CDH13: variants seen among roughly 807,000 people sequenced by gnomAD.
CDH13 encodes cadherin 13, also known as cadherin-13.
Under a neutral mutation model 63.8 loss-of-function variants are expected in CDH13, and 24 were observed. The observed-to-expected ratio is 0.38, with a 90% CI of 0.27 to 0.53. CDH13 has a LOEUF of 0.53. CDH13 is among the 20% of genes least tolerant of loss of function. CDH13 has a pLI of 0.85. For missense variants in CDH13, 1,049 were observed against 903.1 expected (o/e 1.16, Z -2.07); for synonymous variants, 503 against 355.3 (o/e 1.42, Z -4.67).
chr16:83,552,408 G>C (rs1156231589), intron 7 of CDH13, among the ~76,000 whole-genome samples: 3 of 152,208 alleles, frequency 2.0e-5, no homozygotes, highest in African/African-American at 4.8e-5. Flanking sequence ...TTCCAGTGGA[G>C]GATGCACCAA....
chr16:83,201,887 C>T (rs183720676), intron 4 of CDH13, among the ~76,000 whole-genome samples: 1 of 152,188 alleles, frequency 6.6e-6, no homozygotes, highest in East Asian at 1.9e-4. Flanking sequence ...TGCACTCCAG[C>T]CTAGGCAACA....
chr16:83,211,407 C>G (rs771418158), intron 4 of CDH13, among the ~76,000 whole-genome samples: 1 of 152,146 alleles, frequency 6.6e-6, no homozygotes, highest in Non-Finnish European at 1.5e-5. Flanking sequence ...AAACCTCAAC[C>G]TCAACCACAT....
chr16:82,677,591 G>C (rs1914079569), intron 1 of CDH13, among the ~76,000 whole-genome samples: 1 of 152,026 alleles, frequency 6.6e-6, no homozygotes, highest in Admixed American at 6.6e-5. Flanking sequence ...TTTCAACAGT[G>C]AGGAAATCAG....
intron 6 of CDH13, among the ~76,000 whole-genome samples, chr16:83,378,787 C>G (rs1237812410): frequency 6.6e-6 from 1 of 152,142 alleles, no homozygotes; most frequent in African/African-American, 2.4e-5. Context: ...TATTATTAAA[C>G]AGTAGAACTG....
chr16:83,439,383 A>G (rs2072418649), intron 6 of CDH13, among the ~76,000 whole-genome samples: 1 of 152,238 alleles, frequency 6.6e-6, no homozygotes, highest in Admixed American at 6.5e-5. Context: ...AGAATATACT[A>G]TAGGGAACTA....
chr16:82,688,831 T>C (rs1915345556), intron 1 of CDH13: 1 of 152,056 alleles, frequency 6.6e-6, no homozygotes, highest in South Asian at 2.1e-4. Context: ...ACCAGGCAGA[T>C]TGAGAATGGA....
chr16:82,667,427 T>C (rs1317346913), intron 1 of CDH13, among the ~76,000 whole-genome samples: 2 of 152,152 alleles, frequency 1.3e-5, no homozygotes, highest in African/African-American at 4.8e-5. Flanking sequence ...GGATGTGGTG[T>C]GGGGAGATGA....
At chr16:82,855,035 C>T (rs2039632191) in intron 1 of CDH13, among the ~76,000 whole-genome samples, 1 of 152,086 alleles carries the variant, frequency 6.6e-6, no homozygotes, top group Non-Finnish European at 1.5e-5. Context: ...TCACCCATGG[C>T]CCAGGAGGGT....
chr16:82,830,049 A>G (rs1394656174), intron 1 of CDH13, among the ~76,000 whole-genome samples: 2 of 152,142 alleles, frequency 1.3e-5, no homozygotes, highest in Non-Finnish European at 2.9e-5. Flanking sequence ...ATCTCATTTA[A>G]TCCTACAGCA....
At chr16:82,639,393 C>T in intron 1 of CDH13, 10 of 1,535,548 alleles carry the variant, frequency 6.5e-6, no homozygotes, top group Non-Finnish European at 8.7e-6. Context: ...CATGGTTCCC[C>T]CAGCAAGAAC....
chr16:83,008,179 T>C (rs2151432543), intron 2 of CDH13, among the ~76,000 whole-genome samples: 1 of 152,134 alleles, frequency 6.6e-6, no homozygotes, highest in South Asian at 2.1e-4. Flanking sequence ...ATAGTATAAA[T>C]AACAAAAACA....
intron 2 of CDH13, among the ~76,000 whole-genome samples, chr16:82,997,827 T>C (rs374427719): frequency 1.8e-4 from 27 of 152,322 alleles, no homozygotes; most frequent in African/African-American, 6.3e-4. Flanking sequence ...TATTTTTAAA[T>C]GGTAGGGAGT....
intron 1 of CDH13, among the ~76,000 whole-genome samples, chr16:82,831,753 A>G (rs1177196014): frequency 1.3e-5 from 2 of 152,186 alleles, no homozygotes; most frequent in African/African-American, 4.8e-5. Flanking sequence ...CAATCTTCCT[A>G]ATGATTAATG....
intron 8 of CDH13, among the ~76,000 whole-genome samples, chr16:83,622,040 G>T (rs1184201821): frequency 6.6e-6 from 1 of 152,082 alleles, no homozygotes; most frequent in East Asian, 1.9e-4. Context: ...TATGAGCAAA[G>T]AATAGATAAA....
At chr16:82,771,983 G>C (rs57144953) in intron 1 of CDH13, among the ~76,000 whole-genome samples, 3,901 of 152,324 alleles carry the variant, frequency 0.026, 185 homozygotes, top group African/African-American at 0.089. Context: ...TGGGCAGGCA[G>C]GGGCACAAGT....
chr16:83,349,929 G>C (rs1241695770), intron 6 of CDH13, among the ~76,000 whole-genome samples: 1 of 152,122 alleles, frequency 6.6e-6, no homozygotes, highest in Non-Finnish European at 1.5e-5. Flanking sequence ...GCAGCTCCCA[G>C]AGTGGGTAAC....
chr16:82,925,067 T>G (rs1169825721), intron 2 of CDH13, among the ~76,000 whole-genome samples: 1 of 152,154 alleles, frequency 6.6e-6, no homozygotes, highest in Non-Finnish European at 1.5e-5. Context: ...TCTTAAGAGA[T>G]CCAAACTTTC....
chr16:82,749,868 T>A (rs2034338437), intron 1 of CDH13, among the ~76,000 whole-genome samples: 2 of 152,156 alleles, frequency 1.3e-5, no homozygotes, highest in Non-Finnish European at 2.9e-5. Context: ...ATTGGAGGTG[T>A]CAGTGATGTT....
chr16:83,133,796 G>A (rs2036159520), intron 4 of CDH13, among the ~76,000 whole-genome samples: 1 of 152,134 alleles, frequency 6.6e-6, no homozygotes, highest in Admixed American at 6.5e-5. Context: ...ACTGAGCCCG[G>A]CCCATGGAAT....
Sources: allele counts gnomAD v4.1 joint callset (sites outside exome capture counted in the v4.1 genomes callset), GRCh38; gene constraint gnomAD v4.1.1; transcripts MANE v1.5; gene names NCBI Gene and HGNC (gene_info 2026-07-23, HGNC 2026-07-21).